The following CADM1 variants were observed in gnomAD, a reference collection of about 807,000 sequenced individuals.
The protein encoded by CADM1 is cell adhesion molecule 1.
In CADM1, 15 loss-of-function variants were observed where a neutral mutation model predicts 53.1. The observed-to-expected ratio is 0.28, with a 90% CI of 0.19 to 0.44. CADM1 has a LOEUF of 0.44. Ranked by LOEUF, CADM1 falls within the 20% of genes least tolerant of loss-of-function variation. The probability of loss-of-function intolerance (pLI) is 1.00; values close to 1 mark genes in which losing one functional copy is unlikely to be tolerated. For missense variants in CADM1, 434 were observed against 611.3 expected (o/e 0.71, Z 3.06); for synonymous variants, 281 against 243.0 (o/e 1.16, Z -1.45).
At chr11:115,220,735 A>C (rs1490694073) in intron 5 of CADM1, among the ~76,000 whole-genome samples, 2 of 152,234 alleles carry the variant, frequency 1.3e-5, no homozygotes, top group African/African-American at 4.8e-5. Flanking sequence ...TGGGTGATGG[A>C]AACTTAAAAA....
At chr11:115,452,769 C>CT (rs1196649981) in intron 1 of CADM1, among the ~76,000 whole-genome samples, 1 of 152,052 alleles carries the variant, frequency 6.6e-6, no homozygotes, top group Non-Finnish European at 1.5e-5. Flanking sequence ...TTTTACTATA[C>CT]TTTTTTTCCA....
intron 1 of CADM1, among the ~76,000 whole-genome samples, chr11:115,398,405 A>G (rs1212636499): frequency 1.3e-5 from 2 of 152,184 alleles, no homozygotes; most frequent in Admixed American, 6.5e-5. Context: ...TTTGAGCCAT[A>G]TGAACTAAAA....
At chr11:115,495,353 C>T (rs1949586697) in intron 1 of CADM1, among the ~76,000 whole-genome samples, 1 of 152,110 alleles carries the variant, frequency 6.6e-6, no homozygotes, top group Non-Finnish European at 1.5e-5. Context: ...TCCCAAAATA[C>T]TTCAAGATAA....
intron 1 of CADM1, among the ~76,000 whole-genome samples, chr11:115,267,960 A>G (rs1167128764): frequency 6.6e-6 from 1 of 152,138 alleles, no homozygotes; most frequent in African/African-American, 2.4e-5. Flanking sequence ...TAGCAAAAGG[A>G]TTATTTACTT....
chr11:115,311,139 T>C (rs1293996755), intron 1 of CADM1, among the ~76,000 whole-genome samples: 1 of 152,196 alleles, frequency 6.6e-6, no homozygotes, highest in Non-Finnish European at 1.5e-5. Context: ...TGAGTTCTAG[T>C]CATGGTAATG....
intron 1 of CADM1, among the ~76,000 whole-genome samples, chr11:115,448,834 A>G (rs1367010122): frequency 6.6e-6 from 1 of 152,216 alleles, no homozygotes; most frequent in East Asian, 1.9e-4. Flanking sequence ...TTATTGGCAC[A>G]TATTGTGAAA....
At chr11:115,198,493 CA>C in intron 8 of CADM1, 55 bp from the exon 9 acceptor site, 34 of 1,440,286 alleles carry the variant, frequency 2.4e-5, no homozygotes, top group Admixed American at 9.1e-5. Context: ...GAACGGCATG[CA>C]AAAAAAGGGA....
At chr11:115,401,432 C>A (rs1157929907) in intron 1 of CADM1, among the ~76,000 whole-genome samples, 1 of 152,080 alleles carries the variant, frequency 6.6e-6, no homozygotes, top group Non-Finnish European at 1.5e-5. Context: ...CATGGTGAAA[C>A]CCCATTTCTA....
At chr11:115,480,276 C>T (rs920268443) in intron 1 of CADM1, among the ~76,000 whole-genome samples, 3 of 151,988 alleles carry the variant, frequency 2.0e-5, no homozygotes, top group Non-Finnish European at 4.4e-5. Flanking sequence ...GTAGAATTCC[C>T]AGTGTACAAA....
chr11:115,428,292 A>T (rs941627320), intron 1 of CADM1, among the ~76,000 whole-genome samples: 1 of 152,176 alleles, frequency 6.6e-6, no homozygotes, highest in African/African-American at 2.4e-5. Flanking sequence ...AACTTTACCA[A>T]TGTAACTACC....
At chr11:115,407,234 C>T (rs767733769) in intron 1 of CADM1, among the ~76,000 whole-genome samples, 2 of 152,096 alleles carry the variant, frequency 1.3e-5, no homozygotes, top group African/African-American at 4.8e-5. Flanking sequence ...TCCAAGACTG[C>T]GGGTGCTATT....
At chr11:115,254,491 G>A (rs1020915942) in intron 1 of CADM1, among the ~76,000 whole-genome samples, 4 of 151,636 alleles carry the variant, frequency 2.6e-5, no homozygotes, top group Non-Finnish European at 5.9e-5. Context: ...ATTGGACCTA[G>A]AGTGCTAATA....
chr11:115,409,260 A>C (rs1463977833), intron 1 of CADM1, among the ~76,000 whole-genome samples: 3 of 152,240 alleles, frequency 2.0e-5, no homozygotes, highest in Non-Finnish European at 4.4e-5. Context: ...CAAAGAAGAC[A>C]TCACAACACC....
intron 1 of CADM1, among the ~76,000 whole-genome samples, chr11:115,461,814 G>A (rs1412609689): frequency 3.9e-5 from 6 of 152,134 alleles, no homozygotes. Flanking sequence ...AGGGAAGTTT[G>A]AGAGGGCAGG....
intron 1 of CADM1, among the ~76,000 whole-genome samples, chr11:115,449,909 A>T (rs745559726): frequency 2.0e-5 from 3 of 152,174 alleles, no homozygotes; most frequent in Non-Finnish European, 4.4e-5. Context: ...TATGCCAGGG[A>T]AAACACAATT....
intron 1 of CADM1, among the ~76,000 whole-genome samples, chr11:115,344,636 A>G (rs1945530671): frequency 1.3e-5 from 2 of 152,100 alleles, no homozygotes; most frequent in South Asian, 4.1e-4. Context: ...CATTGACTGG[A>G]GTCAGGGTGT....
chr11:115,247,179 G>C (rs1942435121), intron 1 of CADM1, among the ~76,000 whole-genome samples: 1 of 152,170 alleles, frequency 6.6e-6, no homozygotes. Context: ...TTACATAATA[G>C]AGTATAATGG....
At chr11:115,492,915 A>G (rs576322158) in intron 1 of CADM1, among the ~76,000 whole-genome samples, 101 of 148,634 alleles carry the variant, frequency 6.8e-4, no homozygotes, top group African/African-American at 2.4e-3. Flanking sequence ...CTTTTTTTTG[A>G]GACAAAGGAT....
intron 1 of CADM1, among the ~76,000 whole-genome samples, chr11:115,347,207 C>T (rs940640070): frequency 2.6e-5 from 4 of 152,176 alleles, no homozygotes; most frequent in East Asian, 1.9e-4. Flanking sequence ...AGGCTTCCTG[C>T]GCCAAAGACA....
Sources: allele counts gnomAD v4.1 joint callset (sites outside exome capture counted in the v4.1 genomes callset), GRCh38; gene constraint gnomAD v4.1.1; transcripts MANE v1.5; gene names NCBI Gene and HGNC (gene_info 2026-07-23, HGNC 2026-07-21).